PIK3C3: variants seen among roughly 807,000 people sequenced by gnomAD.
PIK3C3 encodes the protein phosphatidylinositol 3-kinase catalytic subunit type 3.
PIK3C3 carries 95 observed loss-of-function variants against 126.1 expected under a neutral mutation model. The observed-to-expected ratio is 0.75, with a 90% CI of 0.64 to 0.89. The LOEUF is 0.89. Ranked by LOEUF, PIK3C3 falls within the 40% of genes least tolerant of loss-of-function variation. The pLI is 0.00. For missense variants in PIK3C3, 829 were observed against 1,063.2 expected (o/e 0.78, Z 3.06); for synonymous variants, 374 against 360.0 (o/e 1.04, Z -0.44).
intron 16 of PIK3C3, among the ~76,000 whole-genome samples, chr18:42,035,656 G>T (rs1984016999): frequency 6.6e-6 from 1 of 152,062 alleles, no homozygotes; most frequent in Non-Finnish European, 1.5e-5. Flanking sequence ...TCTCTGTGTA[G>T]GGAGTTGCTA....
intron 18 of PIK3C3, among the ~76,000 whole-genome samples, chr18:42,039,160 G>A (rs962124471): frequency 7.2e-5 from 11 of 151,994 alleles, no homozygotes; most frequent in Admixed American, 7.2e-4. Context: ...AAGTCTTTTC[G>A]AGATGAATAA....
Position 42,029,366 on chromosome 18 carries a change from A to C in PIK3C3, c.1632A>C (p.Ala544=), listed in dbSNP as rs1303061081. 1.2e-6 allele frequency: 2 copies of C among 1,613,864 alleles called. No homozygotes were observed. The highest frequency in any genetic ancestry group is 3.3e-5 in the Admixed American group (2 of 60,006). Residue 544 remains alanine, a synonymous_variant, in exon 15 of 25, where the codon GCA becomes GCC. Transcript: ENST00000262039. ...GAGTTATGCGTTCTTTGCTGGCTGC[A>C]CAACAGACATTTGTAGATCGGTTGG... is the stretch of plus-strand genomic sequence containing the variant. ...SVRVMRSLLA[A]QQTFVDRLVH...
chr18:42,011,275 C>T (rs923636425), intron 10 of PIK3C3, among the ~76,000 whole-genome samples: 1 of 152,178 alleles, frequency 6.6e-6, no homozygotes, highest in South Asian at 2.1e-4. Context: ...TAGATGGTGT[C>T]TTATTCTAAA....
intron 12 of PIK3C3, among the ~76,000 whole-genome samples, chr18:42,018,357 G>C (rs1285655655): frequency 6.6e-6 from 1 of 151,982 alleles, no homozygotes; most frequent in Non-Finnish European, 1.5e-5. Flanking sequence ...AAAAGGCATA[G>C]TATGAAATGA....
At chr18:42,054,146 A>G (rs1278645369) in intron 21 of PIK3C3, among the ~76,000 whole-genome samples, 21 of 18,230 alleles carry the variant, frequency 1.2e-3, no homozygotes, top group South Asian at 7.3e-3. Context: ...ATATATATAT[A>G]TATATATATA....
At chr18:42,009,091 CT>C (rs910826739) in intron 10 of PIK3C3, among the ~76,000 whole-genome samples, 2 of 152,024 alleles carry the variant, frequency 1.3e-5, no homozygotes, top group African/African-American at 4.8e-5. Flanking sequence ...GTTTAATTTT[CT>C]GTTATATAAT....
At chr18:41,967,505 A>G (rs1202920349) in intron 3 of PIK3C3, among the ~76,000 whole-genome samples, 1 of 152,178 alleles carries the variant, frequency 6.6e-6, no homozygotes, top group Non-Finnish European at 1.5e-5. Context: ...GTGATCCTCA[A>G]GACATCTAGT....
chr18:41,989,891 G>A (rs558565700), intron 5 of PIK3C3, among the ~76,000 whole-genome samples: 9 of 152,096 alleles, frequency 5.9e-5, no homozygotes, highest in South Asian at 4.2e-4. Context: ...TAATTATTCC[G>A]CAGTATATTT....
At chr18:41,999,624 T>G (rs1271680592) in intron 9 of PIK3C3, among the ~76,000 whole-genome samples, 1 of 152,206 alleles carries the variant, frequency 6.6e-6, no homozygotes, top group African/African-American at 2.4e-5. Flanking sequence ...TGTCCTTGTA[T>G]TCATATAAAT....
chr18:42,067,161 A>C (rs1013707628), intron 23 of PIK3C3, among the ~76,000 whole-genome samples: 1 of 152,158 alleles, frequency 6.6e-6, no homozygotes, highest in Admixed American at 6.5e-5. Context: ...TTTTCTTAAA[A>C]ACTGTTTACA....
intron 4 of PIK3C3, among the ~76,000 whole-genome samples, chr18:41,983,819 T>C (rs1981328467): frequency 6.6e-6 from 1 of 152,204 alleles, no homozygotes; most frequent in African/African-American, 2.4e-5. Context: ...TCATTAAATC[T>C]GACAATACAG....
chr18:42,057,616 T>A (rs188475109), intron 21 of PIK3C3: 65 of 348,366 alleles, frequency 1.9e-4, no homozygotes, highest in Non-Finnish European at 2.9e-4. Context: ...TGAAGACTTA[T>A]AAATAGGATT....
intron 21 of PIK3C3, among the ~76,000 whole-genome samples, chr18:42,055,610 A>T (rs1985028384): frequency 1.3e-5 from 2 of 152,134 alleles, no homozygotes; most frequent in Non-Finnish European, 2.9e-5. Flanking sequence ...GAAGAGTGGG[A>T]AACTCACTGG....
intron 9 of PIK3C3, 144 bp from the exon 10 acceptor site, chr18:42,004,212 A>G: frequency 1.6e-6 from 1 of 614,630 alleles, no homozygotes; most frequent in South Asian, 2.1e-5. Flanking sequence ...AAGATCATAT[A>G]TATAACTTCA....
At chr18:42,053,438 A>G (rs1310516024) in intron 21 of PIK3C3, among the ~76,000 whole-genome samples, 1 of 152,160 alleles carries the variant, frequency 6.6e-6, no homozygotes, top group Non-Finnish European at 1.5e-5. Context: ...GTGTATTGTC[A>G]TGTGATTAAT....
At chr18:41,963,845 TGTC>T (rs1267436628) in intron 3 of PIK3C3, among the ~76,000 whole-genome samples, 2 of 151,364 alleles carry the variant, frequency 1.3e-5, no homozygotes, top group Non-Finnish European at 2.9e-5. Context: ...TTTTTTGAGT[TGTC>T]GTTTTCTTAT....
chr18:41,970,460 A>G lies in PIK3C3; in HGVS notation c.531+4A>G. ...TCAGATGAGCCGTCTTGCCAAGGTA[A>G]AAAAAGTCATTTGGAACAGGTGCAA... On this transcript the variant is annotated splice_donor_region_variant and intron_variant, in intron 4 of 24. Coordinates refer to ENST00000262039, the MANE Select transcript of PIK3C3 (RefSeq NM_002647.4). The G allele has an allele frequency of 6.2e-7, 1 of 1,613,632 alleles. No homozygotes were observed. Among genetic ancestry groups the G allele is most frequent in the Non-Finnish European group, 8.5e-7 (1 of 1,179,814 alleles).
At chr18:42,041,588 TAA>T (rs57481011) in intron 19 of PIK3C3, among the ~76,000 whole-genome samples, 56 of 133,546 alleles carry the variant, frequency 4.2e-4, no homozygotes, top group African/African-American at 1.2e-3. Flanking sequence ...CTTCCCTTTG[TAA>T]AAAAAAAAAA....
chr18:42,082,957 G>A lies in PIK3C3; in HGVS notation c.*1820G>A, dbSNP rs1042747870. Reference sequence around the variant, plus strand: ...CTAGAAGGGCAGACACTGACAACTAGTAAGGAAGTTGATCATGAGTAACTT... The same window carrying A: ...CTAGAAGGGCAGACACTGACAACTAATAAGGAAGTTGATCATGAGTAACTT... On this transcript the variant is annotated 3_prime_UTR_variant, in exon 25 of 25. Coordinates refer to ENST00000262039, the MANE Select transcript of PIK3C3 (RefSeq NM_002647.4). The A allele has an allele frequency of 8.5e-5, 13 of 152,294 alleles. No homozygotes were observed. Among genetic ancestry groups the A allele is most frequent in the South Asian group, 2.1e-4 (1 of 4,826 alleles). The allele number at this position is 152,294 out of a possible 1,614,324, so 9.4% of individuals were successfully genotyped here. A position where few individuals can be genotyped will look rare whatever the true frequency, so the allele number is the denominator to read the frequency against.
Sources: gnomAD v4.1 joint callset for allele counts (sites outside exome capture counted in the v4.1 genomes callset) on GRCh38, gnomAD v4.1.1 for gene constraint, MANE v1.5 for transcripts, NCBI Gene and HGNC (gene_info 2026-07-23, HGNC 2026-07-21) for gene names.